Variants in TNFAIP8 observed in about 807,000 individuals in gnomAD.
The protein encoded by TNFAIP8 is tumor necrosis factor alpha-induced protein 8.
Under a neutral mutation model 13.3 loss-of-function variants are expected in TNFAIP8, and 7 were observed. The ratio of observed to expected loss-of-function variants is 0.52; its 90% CI spans 0.30 to 0.99. The LOEUF is 0.99. Among genes scored for constraint, TNFAIP8 ranks in the 50% least tolerant of loss-of-function variants. The pLI is 0.07. For synonymous variants in TNFAIP8, 94 were observed against 87.6 expected (o/e 1.07, Z -0.41); for missense variants, 258 against 236.9 (o/e 1.09, Z -0.58).
chr5:119,387,540 TCTC>T (rs1752728262), intron 1 of TNFAIP8, among the ~76,000 whole-genome samples: 1 of 152,210 alleles, frequency 6.6e-6, no homozygotes, highest in Non-Finnish European at 1.5e-5. Context: ...ATTAGAAAAT[TCTC>T]AGTGGGAGTA....
rs183006792 is a variant in TNFAIP8 at position 119,315,175 on chromosome 5, G to A, written c.1+46268G>A. Among the ~76,000 whole-genome samples, 1,132 of 152,208 alleles carry A rather than the reference G, an allele frequency of 7.4e-3. 5 individuals are homozygous for A. The highest frequency in any genetic ancestry group is 0.012 in the Non-Finnish European group (807 of 68,014). ...TCAGCTCACTACAAGCTCCGCCTCC[G>A]GGGTTCTCACCATTCTCCTGCTTCA... On this transcript the variant is annotated intron_variant, in intron 1 of 1. Coordinates refer to the TNFAIP8 transcript ENST00000274456.
At chr5:119,271,255 C>T (rs1748283455) in intron 1 of TNFAIP8, among the ~76,000 whole-genome samples, 4 of 152,150 alleles carry the variant, frequency 2.6e-5, no homozygotes, top group Admixed American at 1.3e-4. Flanking sequence ...TTAGGAAATG[C>T]TGAGTTGGGG....
chr5:119,384,377 G>A (rs1487368672), intron 1 of TNFAIP8, among the ~76,000 whole-genome samples: 2 of 152,098 alleles, frequency 1.3e-5, no homozygotes, highest in African/African-American at 4.8e-5. Context: ...CAGCTACTTG[G>A]GAGACTGAGG....
intron 1 of TNFAIP8, among the ~76,000 whole-genome samples, chr5:119,368,046 G>A (rs1751929501): frequency 6.6e-6 from 1 of 152,142 alleles, no homozygotes; most frequent in Non-Finnish European, 1.5e-5. Flanking sequence ...GGTAGGTAAT[G>A]GTGAAATAAT....
chr5:119,295,722 G>T (rs1355462231), intron 1 of TNFAIP8, among the ~76,000 whole-genome samples: 17 of 152,126 alleles, frequency 1.1e-4, no homozygotes, highest in Admixed American at 9.8e-4. Context: ...ACCTTGGGCA[G>T]TATGGCCATT....
At chr5:119,332,953 A>T (rs1562004520) in intron 1 of TNFAIP8, among the ~76,000 whole-genome samples, 2 of 152,188 alleles carry the variant, frequency 1.3e-5, no homozygotes. Context: ...ACATTGTCCA[A>T]ACTCTATTCT....
chr5:119,287,715 G>T (rs1372989742), intron 1 of TNFAIP8, among the ~76,000 whole-genome samples: 1 of 152,224 alleles, frequency 6.6e-6, no homozygotes, highest in East Asian at 1.9e-4. Context: ...GTAAATATGT[G>T]TTAACGAATG....
At chr5:119,269,914 A>G (rs1172734446) in intron 1 of TNFAIP8, among the ~76,000 whole-genome samples, 3 of 152,226 alleles carry the variant, frequency 2.0e-5, no homozygotes, top group African/African-American at 7.2e-5. Context: ...TTCTTCATCT[A>G]TAAAATGATT....
At chr5:119,349,046 C>T (rs1210414593) in intron 1 of TNFAIP8, among the ~76,000 whole-genome samples, 1 of 152,182 alleles carries the variant, frequency 6.6e-6, no homozygotes, top group Non-Finnish European at 1.5e-5. Context: ...CTGGCCACCT[C>T]AGCCCCACCT....
rs560071946 is a variant in TNFAIP8, at chr5:119,396,916, C to T, written c.*3535C>T. 11 of 147,264 alleles carry T rather than the reference C, an allele frequency of 7.5e-5. No individual in the cohort carries two copies. Among genetic ancestry groups the T allele is most frequent in the African/African-American group, 1.0e-4 (4 of 39,488 alleles). The allele number at this position is 147,264 out of a possible 1,614,324, so 9.1% of individuals were successfully genotyped here. A position where few individuals can be genotyped will look rare whatever the true frequency, so the allele number is the denominator to read the frequency against. ...GGCTAAGGCAGGAGAATCGCTGGAA[C>T]CTGGGAGGCAGAGGTTGCAGTGAGC... On this transcript the variant is annotated 3_prime_UTR_variant, in exon 2 of 2. Coordinates refer to ENST00000504771, the MANE Select transcript of TNFAIP8 (RefSeq NM_014350.4).
At chr5:119,320,902 A>T (rs1051069654) in intron 1 of TNFAIP8, among the ~76,000 whole-genome samples, 2 of 150,506 alleles carry the variant, frequency 1.3e-5, no homozygotes, top group East Asian at 3.9e-4. Flanking sequence ...AAAACAAAAA[A>T]CGAAAAACAA....
chr5:119,337,931 G>A (rs895971198), intron 1 of TNFAIP8, among the ~76,000 whole-genome samples: 5 of 152,188 alleles, frequency 3.3e-5, no homozygotes, highest in African/African-American at 1.2e-4. Context: ...TGCTGTCTGC[G>A]GAGCCGCAGG....
At chr5:119,369,936 C>T (rs979894968) in intron 1 of TNFAIP8, among the ~76,000 whole-genome samples, 1 of 152,170 alleles carries the variant, frequency 6.6e-6, no homozygotes, top group Non-Finnish European at 1.5e-5. Context: ...AATGGGGTCA[C>T]TTCTTACTCT....
upstream of TNFAIP8, chr5:119,355,791 G>A: frequency 4.1e-6 from 2 of 492,484 alleles, no homozygotes; most frequent in Non-Finnish European, 5.5e-6. Context: ...TGCCCCACCT[G>A]CGTGCGCCCG....
chr5:119,360,080 C>A (rs1235382278), intron 1 of TNFAIP8, among the ~76,000 whole-genome samples: 2 of 152,142 alleles, frequency 1.3e-5, no homozygotes, highest in African/African-American at 4.8e-5. Flanking sequence ...GCTTTTTTCC[C>A]CTCACTTCTG....
chr5:119,314,824 A>AG (rs1199347740), intron 1 of TNFAIP8, among the ~76,000 whole-genome samples: 1 of 152,238 alleles, frequency 6.6e-6, no homozygotes, highest in Non-Finnish European at 1.5e-5. Flanking sequence ...GGAGTTAGTA[A>AG]GATTAAAGCA....
At chr5:119,355,810 C>T (rs1045451178), upstream of TNFAIP8, 137 of 769,686 alleles carry the variant, frequency 1.8e-4, no homozygotes, top group Non-Finnish European at 2.1e-4. Context: ...CGGGCCGAGC[C>T]AGCCCCGCCA....
At chr5:119,308,848 C>A (rs10058039) in intron 1 of TNFAIP8, among the ~76,000 whole-genome samples, 70,640 of 140,108 alleles carry the variant, frequency 0.5, 18,951 homozygotes, top group East Asian at 0.85. Flanking sequence ...GAGTGAGACT[C>A]CATCTCAAAA....
intron 1 of TNFAIP8, among the ~76,000 whole-genome samples, chr5:119,358,296 T>A (rs574464406): frequency 4.5e-4 from 69 of 152,176 alleles, no homozygotes; most frequent in Non-Finnish European, 8.4e-4. Context: ...TGAATCTAAG[T>A]CCTTGGAGGC....
Sources: gnomAD v4.1 joint callset for allele counts (sites outside exome capture counted in the v4.1 genomes callset) on GRCh38, gnomAD v4.1.1 for gene constraint, MANE v1.5 for transcripts, NCBI Gene and HGNC (gene_info 2026-07-23, HGNC 2026-07-21) for gene names.